CSMD1: variants seen among roughly 807,000 people sequenced by gnomAD.
The protein encoded by CSMD1 is CUB and Sushi multiple domains 1.
In CSMD1, 213 loss-of-function variants were observed where a neutral mutation model predicts 417.5. The ratio of observed to expected loss-of-function variants is 0.51; its 90% CI spans 0.46 to 0.57. CSMD1 has a LOEUF of 0.57. Ranked by LOEUF, CSMD1 falls within the 20% of genes least tolerant of loss-of-function variation. The pLI is 0.00. For missense variants in CSMD1, 6,923 were observed against 4,529.7 expected, an observed-to-expected ratio of 1.53 and a Z score of -15.17; for synonymous variants, 2,862 against 1,736.8, an observed-to-expected ratio of 1.65 and a Z score of -16.11.
intron 3 of CSMD1, among the ~76,000 whole-genome samples, chr8:4,287,316 C>G (rs577358160): frequency 1.3e-5 from 2 of 152,266 alleles, no homozygotes; most frequent in African/African-American, 2.4e-5. Flanking sequence ...ATAAATCAAG[C>G]ACATCTGGAG....
chr8:4,300,656 G>C lies in CSMD1; in HGVS notation c.415+119297C>G, dbSNP rs1044691860. Among the ~76,000 whole-genome samples, 3 of 152,216 alleles carry C rather than the reference G, an allele frequency of 2.0e-5. 1 individual carries two copies. The highest frequency in any genetic ancestry group is 6.8e-3 in the Middle Eastern group (2 of 294). ...CCATTAACTCGTCATTTAGCATTAG[G>C]TATATCTCCTAATGCTATCTCTCCA... On this transcript the variant is annotated intron_variant, in intron 3 of 69. Coordinates refer to ENST00000635120, the MANE Select transcript of CSMD1 (RefSeq NM_033225.6).
At position 3,936,225 on chromosome 8, in the gene CSMD1, G is replaced by A. The variant is rs561064633; in HGVS notation, c.818+61678C>T. Among the ~76,000 whole-genome samples, 3 of 151,810 alleles carry A rather than the reference G, an allele frequency of 2.0e-5. No individual in the cohort carries two copies. In the South Asian group the frequency reaches 6.2e-4, roughly 32 times the overall value. On this transcript the variant is annotated intron_variant, in intron 5 of 69. Coordinates refer to ENST00000635120, the MANE Select transcript of CSMD1 (RefSeq NM_033225.6). ...CCATCTGCGTAACATAAAAGGGCAA[G>A]GTAAAGCAGCAAGTGATGATGGAAA...
chr8:3,952,939 A>C (rs1811687781), intron 5 of CSMD1, among the ~76,000 whole-genome samples: 2 of 152,200 alleles, frequency 1.3e-5, no homozygotes, highest in African/African-American at 4.8e-5. Context: ...TCATTAATGA[A>C]AAAGAAAGGA....
chr8:4,963,610 T>C (rs879717514), intron 1 of CSMD1, among the ~76,000 whole-genome samples: 2 of 152,222 alleles, frequency 1.3e-5, no homozygotes, highest in Non-Finnish European at 2.9e-5. Context: ...CTATCATTTA[T>C]TTCCTGTAAC....
At chr8:4,776,307 T>C (rs1796849677) in intron 1 of CSMD1, among the ~76,000 whole-genome samples, 1 of 152,206 alleles carries the variant, frequency 6.6e-6, no homozygotes, top group African/African-American at 2.4e-5. Flanking sequence ...ATATTACTTG[T>C]TGCTAGTTTT....
chr8:3,396,241 G>A lies in CSMD1; in HGVS notation c.2546C>T (p.Thr849Ile), dbSNP rs776738987. Residue 849 changes from threonine (T) to isoleucine (I), a missense_variant, in exon 17 of 70, where the codon ACC becomes ATC. Thr to Ile is a moderately conservative substitution (Grantham distance 89). Coordinates refer to ENST00000635120, the MANE Select transcript of CSMD1 (RefSeq NM_033225.6). ...GATGCTGGAGCGGCTGTTGTCAGTG[G>A]TGAACAGCAGGTACATGAAGTTCCC... ...STGNFMYLLF[T>I]TDNSRSSIGF... 6.3e-7 allele frequency: 1 copy of A among 1,575,946 alleles called. No homozygotes were observed. The highest frequency in any genetic ancestry group is 1.2e-5 in the South Asian group (1 of 85,842).
In CSMD1 at chr8:4,810,496, G is replaced by T. The variant is rs188513547; in HGVS notation, c.86-172938C>A. On this transcript the variant is annotated intron_variant, in intron 1 of 69. Transcript: ENST00000635120. ...GAGTCATGTTTGATGTTATTATTTG[G>T]CAATTGTCTGTAACACTTAGTAAAA... Among the ~76,000 whole-genome samples the T allele has an allele frequency of 3.3e-5, 5 of 152,104 alleles. No homozygotes were observed. In the East Asian group the frequency reaches 9.7e-4, roughly 29 times the overall value.
intron 26 of CSMD1, among the ~76,000 whole-genome samples, chr8:3,237,931 T>A (rs1318829209): frequency 6.8e-6 from 1 of 147,544 alleles, no homozygotes; most frequent in African/African-American, 2.5e-5. Flanking sequence ...ATTTATTTTA[T>A]GATATGCTAT....
intron 2 of CSMD1, among the ~76,000 whole-genome samples, chr8:4,461,798 T>G (rs1302709898): frequency 6.7e-6 from 1 of 148,794 alleles, no homozygotes; most frequent in Non-Finnish European, 1.5e-5. Context: ...TGGAGTGCAG[T>G]AGTACGATCT....
intron 1 of CSMD1, among the ~76,000 whole-genome samples, chr8:4,714,114 C>T (rs544013173): frequency 1.3e-5 from 2 of 152,128 alleles, no homozygotes; most frequent in South Asian, 4.2e-4. Context: ...CATTGCACTC[C>T]AGTCTGGGTG....
intron 10 of CSMD1, among the ~76,000 whole-genome samples, chr8:3,508,218 G>C (rs1287593353): frequency 6.6e-6 from 1 of 152,124 alleles, no homozygotes; most frequent in Non-Finnish European, 1.5e-5. Context: ...ATAGCAGGTA[G>C]TAGGAATTTG....
chr8:4,249,476 G>GT (rs1802917376), intron 3 of CSMD1, among the ~76,000 whole-genome samples: 1 of 152,198 alleles, frequency 6.6e-6, no homozygotes, highest in South Asian at 2.1e-4. Context: ...TGTAAACAGG[G>GT]TTAAACATTT....
intron 5 of CSMD1, among the ~76,000 whole-genome samples, chr8:3,842,387 T>C (rs190768715): frequency 6.8e-4 from 103 of 152,282 alleles, no homozygotes; most frequent in Middle Eastern, 6.8e-3. Context: ...TAAACAAAAA[T>C]CCTGACAGTT....
chr8:3,069,214 T>C (rs998501132), intron 49 of CSMD1, among the ~76,000 whole-genome samples: 1 of 151,962 alleles, frequency 6.6e-6, no homozygotes, highest in African/African-American at 2.4e-5. Flanking sequence ...GGCAGGTGGA[T>C]CACGAGATCA....
chr8:3,425,577 G>T (rs1439997389), intron 12 of CSMD1, among the ~76,000 whole-genome samples: 2 of 107,882 alleles, frequency 1.9e-5, no homozygotes, highest in Non-Finnish European at 3.5e-5. Context: ...GAGAGAGCAA[G>T]ATTCGGTCTC....
chr8:3,206,647 G>A (rs190427086), intron 30 of CSMD1, among the ~76,000 whole-genome samples: 1 of 125,688 alleles, frequency 8.0e-6, no homozygotes, highest in Admixed American at 8.0e-5. Context: ...TGTGTGTGTG[G>A]GTGTATGTGT....
intron 4 of CSMD1, among the ~76,000 whole-genome samples, chr8:4,023,470 G>T (rs879664269): frequency 6.6e-6 from 1 of 152,118 alleles, no homozygotes; most frequent in East Asian, 1.9e-4. Flanking sequence ...GTAGCATTAG[G>T]GATTGCAATG....
intron 3 of CSMD1, among the ~76,000 whole-genome samples, chr8:4,177,452 G>A (rs1327009145): frequency 1.3e-5 from 2 of 151,976 alleles, no homozygotes; most frequent in Non-Finnish European, 2.9e-5. Flanking sequence ...GAAACTTATA[G>A]CACTAAATGT....
chr8:4,884,689 G>C (rs1001705880), intron 1 of CSMD1, among the ~76,000 whole-genome samples: 1 of 151,898 alleles, frequency 6.6e-6, no homozygotes, highest in Non-Finnish European at 1.5e-5. Context: ...GAAAAATAAG[G>C]GTTTATTTTT....
Sources: gnomAD v4.1 joint callset for allele counts (sites outside exome capture counted in the v4.1 genomes callset) on GRCh38, gnomAD v4.1.1 for gene constraint, MANE v1.5 for transcripts, NCBI Gene and HGNC (gene_info 2026-07-23, HGNC 2026-07-21) for gene names.